The following DAOA variants were observed in gnomAD, a reference collection of about 807,000 sequenced individuals.
DAOA encodes D-amino acid oxidase regulator.
Under a neutral mutation model 16.4 loss-of-function variants are expected in DAOA, and 15 were observed. The observed-to-expected ratio is 0.91, with a 90% confidence interval of 0.61 to 1.41. DAOA has a LOEUF of 1.41. Ranked by LOEUF, DAOA falls within the 40% of genes most tolerant of loss-of-function variation. DAOA has a pLI of 0.00. For missense variants in DAOA, 230 were observed against 176.8 expected (o/e 1.30, Z -1.71); for synonymous variants, 75 against 59.1 (o/e 1.27, Z -1.23).
At chr13:105,472,483 TA>T in intron 3 of DAOA, 54 bp from the exon 4 acceptor site, 1 of 1,550,386 alleles carries the variant, frequency 6.5e-7, no homozygotes, top group South Asian at 1.2e-5. Flanking sequence ...ACATGTATGT[TA>T]AAAGATGTGA....
chr13:105,481,501 A>G (rs750243573), intron 4 of DAOA, among the ~76,000 whole-genome samples: 13 of 152,072 alleles, frequency 8.5e-5, no homozygotes, highest in Non-Finnish European at 1.5e-4. Flanking sequence ...TAAAACTATG[A>G]TCCTCCTGTC....
chr13:105,474,445 GCTT>G (rs1307599695), intron 4 of DAOA, among the ~76,000 whole-genome samples: 1 of 151,972 alleles, frequency 6.6e-6, no homozygotes, highest in African/African-American at 2.4e-5. Flanking sequence ...GCACTATTCT[GCTT>G]CTTCAAAATT....
chr13:105,468,264 C>A (rs1205045115), intron 3 of DAOA, among the ~76,000 whole-genome samples: 1 of 152,224 alleles, frequency 6.6e-6, no homozygotes, highest in South Asian at 2.1e-4. Flanking sequence ...CAAGATTCCA[C>A]AGGTTTTCAG....
intron 2 of DAOA, 90 bp from the exon 3 acceptor site, chr13:105,466,963 T>C (rs143238468): frequency 1.4e-6 from 2 of 1,469,582 alleles, no homozygotes; most frequent in African/African-American, 1.4e-5. Flanking sequence ...ACCATACATG[T>C]TATATGCTCC....
rs913173880 is a variant in DAOA, at chr13:105,491,025, A to G, written c.*225A>G. The G allele has an allele frequency of 2.0e-5, 3 of 152,050 alleles. No individual in the cohort carries two copies. The highest frequency in any genetic ancestry group is 4.8e-5 in the African/African-American group (2 of 41,416). The allele number at this position is 152,050 out of a possible 1,614,324, so 9.4% of individuals were successfully genotyped here. A position where few individuals can be genotyped will look rare whatever the true frequency, so the allele number is the denominator to read the frequency against. On this transcript the variant is annotated 3_prime_UTR_variant, in exon 6 of 6. Coordinates refer to ENST00000375936, the MANE Select transcript of DAOA (RefSeq NM_172370.5). Reference sequence around the variant, plus strand: ...CTCTCTTTTTATTAAATGTGCTTCAAGTTTTAACAACTGACTTTTGTTAGT... The same window carrying G: ...CTCTCTTTTTATTAAATGTGCTTCAGGTTTTAACAACTGACTTTTGTTAGT...
At chr13:105,490,703 A>T (rs1878458019) in intron 5 of DAOA, 1 of 152,028 alleles carries the variant, frequency 6.6e-6, no homozygotes, top group Admixed American at 6.6e-5. Flanking sequence ...TTATGTCCTA[A>T]GGTTATTAAC....
At chr13:105,478,156 A>G (rs1359688562) in intron 4 of DAOA, among the ~76,000 whole-genome samples, 2 of 152,230 alleles carry the variant, frequency 1.3e-5, no homozygotes, top group Non-Finnish European at 2.9e-5. Context: ...TCTTAGAACA[A>G]CATCTAACAA....
chr13:105,475,403 T>C (rs1464341653), intron 4 of DAOA, among the ~76,000 whole-genome samples: 1 of 152,166 alleles, frequency 6.6e-6, no homozygotes, highest in African/African-American at 2.4e-5. Context: ...ATGGGAGTAC[T>C]AAAGAGGTTA....
rs146098268 is a variant in DAOA, at chr13:105,480,036, T to C, written c.281+7351T>C. Reference sequence around the variant, plus strand: ...AAACTCCTTTATCTAAAAGTACCCCTGAAAATAAAATAGGTCAGAATAATA... The same window carrying C: ...AAACTCCTTTATCTAAAAGTACCCCCGAAAATAAAATAGGTCAGAATAATA... On this transcript the variant is annotated intron_variant, in intron 4 of 5. Coordinates refer to ENST00000375936, the MANE Select transcript of DAOA (RefSeq NM_172370.5). Among the ~76,000 whole-genome samples, 829 of 152,280 alleles carry C rather than the reference T, an allele frequency of 5.4e-3. 7 individuals are homozygous for C. Among genetic ancestry groups the C allele is most frequent in the African/African-American group, 0.019 (769 of 41,564 alleles).
chr13:105,467,350 G>A (rs1007178697), intron 3 of DAOA, among the ~76,000 whole-genome samples: 2 of 152,140 alleles, frequency 1.3e-5, no homozygotes, highest in Admixed American at 6.5e-5. Flanking sequence ...TTCAAACAGT[G>A]CAACCTTGTA....
intron 4 of DAOA, among the ~76,000 whole-genome samples, chr13:105,473,781 G>A (rs955840552): frequency 6.6e-6 from 1 of 152,082 alleles, no homozygotes; most frequent in Non-Finnish European, 1.5e-5. Flanking sequence ...GTTAAATTTA[G>A]ACGTGTTCTA....
At chr13:105,468,401 G>A (rs1168660689) in intron 3 of DAOA, among the ~76,000 whole-genome samples, 1 of 152,158 alleles carries the variant, frequency 6.6e-6, no homozygotes, top group Admixed American at 6.5e-5. Context: ...TTGCCTCAAA[G>A]GTGCAGATGG....
At chr13:105,480,523 G>GATAC (rs148956122) in intron 4 of DAOA, among the ~76,000 whole-genome samples, 6 of 135,822 alleles carry the variant, frequency 4.4e-5, no homozygotes, top group African/African-American at 1.7e-4. Context: ...TGGATGGATA[G>GATAC]ATACATAGAT....
intron 2 of DAOA, among the ~76,000 whole-genome samples, chr13:105,466,749 G>T (rs767557618): frequency 6.6e-6 from 1 of 152,126 alleles, no homozygotes; most frequent in Non-Finnish European, 1.5e-5. Flanking sequence ...TTAAAAGGGA[G>T]AGGCGCTAGT....
At position 105,467,157 on chromosome 13, in the gene DAOA, T is replaced by A. The variant is rs774262425; in HGVS notation, c.133+16T>A. On this transcript the variant is annotated intron_variant, in intron 3 of 5. Coordinates refer to ENST00000375936, the MANE Select transcript of DAOA (RefSeq NM_172370.5). ...AACTCTATTGGTATGTTACTCTTTA[T>A]CTTTATATGAATTTAAATTCTTCTA... 4 of 1,579,622 alleles carry A rather than the reference T, an allele frequency of 2.5e-6. No individual in the cohort carries two copies. Among genetic ancestry groups the A allele is most frequent in the Non-Finnish European group, 3.4e-6 (4 of 1,162,856 alleles).
At chr13:105,474,154 G>T (rs953857893) in intron 4 of DAOA, among the ~76,000 whole-genome samples, 1 of 151,984 alleles carries the variant, frequency 6.6e-6, no homozygotes, top group African/African-American at 2.4e-5. Context: ...TATAAGTAAT[G>T]AAATTATTTA....
In DAOA at chr13:105,490,013, T is replaced by A; in HGVS notation, c.394T>A (p.Cys132Ser). The A allele has an allele frequency of 6.2e-7, 1 of 1,611,444 alleles. No homozygotes were observed. The highest frequency in any genetic ancestry group is 1.3e-5 in the African/African-American group (1 of 74,918). ...RRQPLERMWT[C>S]NYNQQKDQSC... ...GCAGCCTCTAGAACGAATGTGGACC[T>A]GCAACTACAACCAGCAAAAAGACCA... The change falls in exon 5 of 6, where the codon TGC (cysteine) becomes AGC (serine). Residue 132 changes from cysteine (C) to serine (S), a missense_variant. By Grantham distance (112) the Cys-to-Ser change is moderately radical. Coordinates refer to ENST00000375936, the MANE Select transcript of DAOA (RefSeq NM_172370.5).
intron 4 of DAOA, among the ~76,000 whole-genome samples, chr13:105,478,039 G>C (rs907114101): frequency 2.0e-5 from 3 of 152,132 alleles, no homozygotes; most frequent in Non-Finnish European, 4.4e-5. Flanking sequence ...ACTCTGTAAT[G>C]ATAGTTAATA....
chr13:105,478,454 G>C (rs1006062303), intron 4 of DAOA, among the ~76,000 whole-genome samples: 1 of 152,126 alleles, frequency 6.6e-6, no homozygotes, highest in African/African-American at 2.4e-5. Context: ...TAGGACAATA[G>C]CAGCTTTTCT....
Sources: gnomAD v4.1 joint callset for allele counts (sites outside exome capture counted in the v4.1 genomes callset) on GRCh38, gnomAD v4.1.1 for gene constraint, MANE v1.5 for transcripts, NCBI Gene and HGNC (gene_info 2026-07-23, HGNC 2026-07-21) for gene names.